The following MACROD2 variants were observed in gnomAD, a reference collection of about 807,000 sequenced individuals.
MACROD2 encodes the protein mono-ADP ribosylhydrolase 2.
Under a neutral mutation model 70.4 loss-of-function variants are expected in MACROD2, and 36 were observed. The ratio of observed to expected loss-of-function variants is 0.51; its 90% CI spans 0.39 to 0.68. The LOEUF (loss-of-function observed/expected upper bound fraction) is 0.68. Among genes scored for constraint, MACROD2 ranks in the 30% least tolerant of loss-of-function variants. The probability of loss-of-function intolerance (pLI) is 0.00; values close to 1 mark genes in which losing one functional copy is unlikely to be tolerated. For missense variants in MACROD2, 496 were observed against 538.4 expected (o/e 0.92, Z 0.78); for synonymous variants, 172 against 178.8 (o/e 0.96, Z 0.30).
chr20:15,371,728 GATAA>G (rs2045497075), intron 6 of MACROD2, among the ~76,000 whole-genome samples: 1 of 151,970 alleles, frequency 6.6e-6, no homozygotes, highest in Admixed American at 6.6e-5. Flanking sequence ...TTTAGAAATG[GATAA>G]ATATTTTTTA....
At chr20:16,003,204 C>T (rs919458753) in intron 15 of MACROD2, among the ~76,000 whole-genome samples, 2 of 151,928 alleles carry the variant, frequency 1.3e-5, no homozygotes, top group African/African-American at 4.8e-5. Flanking sequence ...AAAATGTGTT[C>T]CTTGGACCAG....
chr20:15,056,292 A>C (rs950458727), intron 5 of MACROD2, among the ~76,000 whole-genome samples: 33 of 152,162 alleles, frequency 2.2e-4, no homozygotes, highest in African/African-American at 7.7e-4. Flanking sequence ...CGTCCTGGCT[A>C]TTTGTGGGAA....
chr20:15,471,817 C>T (rs1808926280), intron 7 of MACROD2, among the ~76,000 whole-genome samples: 1 of 152,086 alleles, frequency 6.6e-6, no homozygotes, highest in Non-Finnish European at 1.5e-5. Context: ...TCTTCTACCT[C>T]TTTCTCCAGA....
intron 3 of MACROD2, among the ~76,000 whole-genome samples, chr20:14,435,038 G>C (rs1568610326): frequency 6.6e-6 from 1 of 152,280 alleles, no homozygotes; most frequent in East Asian, 1.9e-4. Context: ...AAGTACCTCA[G>C]TTTCTGCTTA....
chr20:14,740,291 C>G lies in MACROD2; in HGVS notation c.418+55332C>G, dbSNP rs183626995. On this transcript the variant is annotated intron_variant, in intron 5 of 17. Coordinates refer to ENST00000684519, the MANE Select transcript of MACROD2 (RefSeq NM_001351661.2). Reference sequence around the variant, plus strand: ...AGGCTCAGAGAGATTGAGTAACTTACTCAACACTGCACAACTAGTGTAAGA... The same window carrying G: ...AGGCTCAGAGAGATTGAGTAACTTAGTCAACACTGCACAACTAGTGTAAGA... Among the ~76,000 whole-genome samples, 50 of 152,242 alleles carry G rather than the reference C, an allele frequency of 3.3e-4. 1 individual carries two copies. In the Middle Eastern group the frequency reaches 0.037, roughly 114 times the overall value.
chr20:14,778,045 G>T (rs2123781102), intron 5 of MACROD2, among the ~76,000 whole-genome samples: 1 of 152,168 alleles, frequency 6.6e-6, no homozygotes, highest in East Asian at 1.9e-4. Context: ...CTCAAGCCAG[G>T]CCAGTTGTGT....
rs560796036 is a variant in MACROD2, at chr20:14,071,358, G to C, written c.164-14263G>C. ...TCACTGCAAGCTCCGCCTCCCGGGT[G>C]CATGCCGTTCTCCTGCCTCAGCCTC... On this transcript the variant is annotated intron_variant, in intron 2 of 17. Coordinates refer to ENST00000684519, the MANE Select transcript of MACROD2 (RefSeq NM_001351661.2). Among the ~76,000 whole-genome samples the C allele has an allele frequency of 1.4e-4, 20 of 145,560 alleles. No individual in the cohort carries two copies. In the South Asian group the frequency reaches 4.2e-3, roughly 30 times the overall value.
chr20:14,077,469 G>A (rs2053929140), intron 2 of MACROD2, among the ~76,000 whole-genome samples: 1 of 152,104 alleles, frequency 6.6e-6, no homozygotes, highest in African/African-American at 2.4e-5. Flanking sequence ...TTGTAAAAGT[G>A]TATTGGTCGT....
chr20:14,605,753 A>G (rs984714489), intron 4 of MACROD2, among the ~76,000 whole-genome samples: 2 of 152,146 alleles, frequency 1.3e-5, no homozygotes, highest in East Asian at 3.9e-4. Flanking sequence ...TTTTTAAAGA[A>G]TTCTCAACTG....
chr20:15,009,849 T>TGCC (rs2075068539), intron 5 of MACROD2, among the ~76,000 whole-genome samples: 1 of 151,836 alleles, frequency 6.6e-6, no homozygotes, highest in Non-Finnish European at 1.5e-5. Flanking sequence ...ATTTATCTCC[T>TGCC]GCCTTCCAAC....
chr20:14,665,744 C>T (rs1034299803), intron 4 of MACROD2, among the ~76,000 whole-genome samples: 1 of 151,898 alleles, frequency 6.6e-6, no homozygotes, highest in Non-Finnish European at 1.5e-5. Flanking sequence ...TACATATATC[C>T]ATCCTTTAGA....
At chr20:14,010,793 C>A (rs936662657) in intron 2 of MACROD2, among the ~76,000 whole-genome samples, 1 of 152,030 alleles carries the variant, frequency 6.6e-6, no homozygotes, top group Non-Finnish European at 1.5e-5. Context: ...AACCCTTCAC[C>A]CCCTACCCTT....
chr20:14,888,042 G>A (rs1244183229), intron 5 of MACROD2: 1 of 152,108 alleles, frequency 6.6e-6, no homozygotes, highest in Non-Finnish European at 1.5e-5. Flanking sequence ...AAAAGAGAAT[G>A]ACAGTCTTCT....
intron 6 of MACROD2, among the ~76,000 whole-genome samples, chr20:15,244,252 TA>T (rs2077085925): frequency 6.6e-6 from 1 of 152,164 alleles, no homozygotes; most frequent in Admixed American, 6.5e-5. Flanking sequence ...CAACAAATGC[TA>T]AAAATCAGGG....
At chr20:15,247,411 G>A (rs2077115737) in intron 6 of MACROD2, among the ~76,000 whole-genome samples, 1 of 152,258 alleles carries the variant, frequency 6.6e-6, no homozygotes, top group South Asian at 2.1e-4. Context: ...GGTGTCACAT[G>A]GAGGGTTATC....
intron 4 of MACROD2, among the ~76,000 whole-genome samples, chr20:14,645,402 T>A (rs1306614346): frequency 1.3e-5 from 2 of 151,994 alleles, no homozygotes; most frequent in African/African-American, 2.4e-5. Flanking sequence ...CTTCTCTATA[T>A]CTAGTTTTAG....
intron 8 of MACROD2, among the ~76,000 whole-genome samples, chr20:15,722,408 A>G (rs2050800064): frequency 6.6e-6 from 1 of 152,138 alleles, no homozygotes; most frequent in Non-Finnish European, 1.5e-5. Flanking sequence ...AAATATTTTG[A>G]GAATCTAAGG....
chr20:15,996,628 A>G (rs1010918708), intron 15 of MACROD2, among the ~76,000 whole-genome samples: 1 of 152,118 alleles, frequency 6.6e-6, no homozygotes, highest in African/African-American at 2.4e-5. Context: ...AATGGTTTAC[A>G]AATATTTTCT....
At chr20:14,918,614 T>C (rs1231542659) in intron 5 of MACROD2, among the ~76,000 whole-genome samples, 1 of 146,930 alleles carries the variant, frequency 6.8e-6, no homozygotes, top group Admixed American at 6.7e-5. Context: ...CTGTGTTTTT[T>C]TTGTTTTTTT....
Sources: gnomAD v4.1 joint callset for allele counts (sites outside exome capture counted in the v4.1 genomes callset) on GRCh38, gnomAD v4.1.1 for gene constraint, MANE v1.5 for transcripts, NCBI Gene and HGNC (gene_info 2026-07-23, HGNC 2026-07-21) for gene names.